Variants in EIF2B1 observed in about 807,000 individuals in gnomAD.
EIF2B1 encodes translation initiation factor eIF2B subunit alpha.
Under a neutral mutation model 36.8 loss-of-function variants are expected in EIF2B1, and 30 were observed. The observed-to-expected ratio is 0.81, with a 90% CI of 0.61 to 1.10. The LOEUF is 1.10. Among genes scored for constraint, EIF2B1 ranks in the 50% least tolerant of loss-of-function variants. The probability of loss-of-function intolerance (pLI) is 0.00; values close to 1 mark genes in which losing one functional copy is unlikely to be tolerated. For missense variants in EIF2B1, 271 were observed against 374.8 expected (o/e 0.72, Z 2.29); for synonymous variants, 139 against 142.2 (o/e 0.98, Z 0.16).
At position 123,627,063 on chromosome 12, in the gene EIF2B1, ACT is replaced by A. The variant is rs1435171602; in HGVS notation, c.461_462del (p.Glu154ValfsTer4). ...ACTTGCCCTGACAAATCAGGCTGTGACTCTGTGACGTATACACTAAATCGCTT... is the reference window on the plus strand; with the variant it reads ...ACTTGCCCTGACAAATCAGGCTGTGACTGTGACGTATACACTAAATCGCTT... ...AKKRFSVYVT[E>X]SQPDLSGKKM... is the part of the protein sequence containing the mutation. On this transcript the variant is annotated frameshift_variant, in exon 5 of 9. Transcript: ENST00000424014. LOFTEE classifies it high-confidence loss of function. The A allele has an allele frequency of 6.2e-7, 1 of 1,613,858 alleles. No individual in the cohort carries two copies. Among genetic ancestry groups the A allele is most frequent in the Non-Finnish European group, 8.5e-7 (1 of 1,180,006 alleles).
At position 123,621,980 on chromosome 12, in the gene EIF2B1, C is replaced by T; in HGVS notation, c.754-60G>A. 5.6e-6 allele frequency: 9 copies of T among 1,598,188 alleles called. No homozygotes were observed. In the South Asian group the frequency reaches 1.0e-4, roughly 18 times the overall value. ...TATTTAGTGCTCTGACCTGGTAGGG[C>T]CTTGGTGTGAGTGATCAGTGTGCTA... is the stretch of plus-strand genomic sequence containing the variant. On this transcript the variant is annotated intron_variant, in intron 8 of 8. Transcript: ENST00000424014.
In EIF2B1 at chr12:123,622,753, G is replaced by C. The variant is rs1955114161; in HGVS notation, c.636C>G (p.Thr212=). The C allele has an allele frequency of 6.2e-7, 1 of 1,613,882 alleles. No homozygotes were observed. Among genetic ancestry groups the C allele is most frequent in the Non-Finnish European group, 8.5e-7 (1 of 1,179,908 alleles). Residue 212 remains threonine, a synonymous_variant, in exon 8 of 9, where the codon ACC becomes ACG. Transcript: ENST00000424014. ...ENGGIINKIG[T]NQMAVCAKAQ... ...CTTTGGCACACACAGCCATCTGGTT[G>C]GTTCCAATCTGGGAAGGCAGAAAAT...
At chr12:123,627,363 G>A (rs1955156974) in intron 4 of EIF2B1, among the ~76,000 whole-genome samples, 1 of 152,220 alleles carries the variant, frequency 6.6e-6, no homozygotes, top group South Asian at 2.1e-4. Flanking sequence ...TCCTGTAGCA[G>A]GTGCAGAAAT....
In EIF2B1 at chr12:123,621,563, G is replaced by A. The variant is rs1269764468; in HGVS notation, c.*193C>T. ...TAAGAACAATTTAAGTTGGGATTTAGAATAGCTGACACATTTTTAGATGGG... is the reference window on the plus strand; with the variant it reads ...TAAGAACAATTTAAGTTGGGATTTAAAATAGCTGACACATTTTTAGATGGG... On this transcript the variant is annotated 3_prime_UTR_variant, in exon 9 of 9. Coordinates refer to ENST00000424014, the MANE Select transcript of EIF2B1 (RefSeq NM_001414.4). 1.5e-6 allele frequency: 1 copy of A among 671,752 alleles called. No individual in the cohort carries two copies. The highest frequency in any genetic ancestry group is 1.8e-5 in the African/African-American group (1 of 55,530). The allele number at this position is 671,752 out of a possible 1,614,324, so 41.6% of individuals were successfully genotyped here.
intron 1 of EIF2B1, among the ~76,000 whole-genome samples, chr12:123,633,259 A>G (rs1396600357): frequency 6.7e-6 from 1 of 149,286 alleles, no homozygotes; most frequent in Non-Finnish European, 1.5e-5. Flanking sequence ...CACATCAAAT[A>G]TGCCTTATTC....
rs1955067314 is a variant in EIF2B1 at position 123,620,612 on chromosome 12, A to ATATATG, written c.*1143_*1144insCATATA. On this transcript the variant is annotated 3_prime_UTR_variant, in exon 9 of 9. Transcript: ENST00000424014. The stretch of plus-strand genomic sequence containing the variant: ...TATATATATATATATATATATATAT[A>ATATATG]TATATATATATATATAAGCTCTTTT... 1.3e-5 allele frequency: 1 copy of ATATATG among 75,006 alleles called. No individual in the cohort carries two copies. The highest frequency in any genetic ancestry group is 3.2e-5 in the Non-Finnish European group (1 of 31,696). The allele number at this position is 75,006 out of a possible 1,614,324, so 4.6% of individuals were successfully genotyped here.
At position 123,621,785 on chromosome 12, in the gene EIF2B1, T is replaced by C; in HGVS notation, c.889A>G (p.Ser297Gly). Reference protein sequence around the residue: ...DLGVLTPSAVSDELIKLYL With the variant: ...DLGVLTPSAVGDELIKLYL ...AGATAGAGCTTGATGAGCTCATCGC[T>C]GACTGCTGAGGGTGTCAGCACGCCC... is the stretch of plus-strand genomic sequence containing the variant. Residue 297 changes from serine to glycine, a missense_variant, in exon 9 of 9, where the codon AGC becomes GGC. Physicochemically the swap from Ser to Gly is moderately conservative, Grantham distance 56. Transcript: ENST00000424014. 1 of 1,613,900 alleles carries C rather than the reference T, an allele frequency of 6.2e-7. No homozygotes were observed. Among genetic ancestry groups the C allele is most frequent in the Non-Finnish European group, 8.5e-7 (1 of 1,180,034 alleles).
In EIF2B1 at chr12:123,630,193, G is replaced by A. The variant is rs759728057; in HGVS notation, c.345C>T (p.Cys115=). The A allele has an allele frequency of 5.6e-6, 9 of 1,613,886 alleles. No individual in the cohort carries two copies. In the East Asian group the frequency reaches 1.8e-4, roughly 32 times the overall value. The change falls in exon 4 of 9, where the codon TGC becomes TGT. Residue 115 remains cysteine (C), a synonymous_variant. Coordinates refer to ENST00000424014, the MANE Select transcript of EIF2B1 (RefSeq NM_001414.4). The surrounding 1 kb of genome is among the most constrained non-coding windows in gnomAD (Gnocchi z 4.6). The part of the protein sequence containing the change: ...SLSRNKIADL[C]HTFIKDGATI... ...CCGCTCCATCTTTGATGAAAGTATGGCACAGATCTGCAATTTTGTTTCTTG... is the reference window on the plus strand; with the variant it reads ...CCGCTCCATCTTTGATGAAAGTATGACACAGATCTGCAATTTTGTTTCTTG...
At chr12:123,626,570 G>C in intron 5 of EIF2B1, 77 bp from the exon 6 acceptor site, 2 of 1,518,698 alleles carry the variant, frequency 1.3e-6, no homozygotes, top group Non-Finnish European at 9.1e-7. Context: ...AATGTGGACA[G>C]TGGATGTTTG....
rs1955176522 is a variant in EIF2B1 at position 123,630,078 on chromosome 12, A to T, written c.369+91T>A. The T allele has an allele frequency of 1.8e-6, 2 of 1,082,494 alleles. No individual in the cohort carries two copies. Among genetic ancestry groups the T allele is most frequent in the African/African-American group, 1.5e-5 (1 of 64,930 alleles). 67.1% of individuals were successfully genotyped at this position (1,082,494 alleles called of 1,614,324 possible). A position where few individuals can be genotyped will look rare whatever the true frequency, so the allele number is the denominator to read the frequency against. On this transcript the variant is annotated intron_variant, in intron 4 of 8. Coordinates refer to ENST00000424014, the MANE Select transcript of EIF2B1 (RefSeq NM_001414.4). The surrounding 1 kb of genome is among the most constrained non-coding windows in gnomAD (Gnocchi z 4.6). ...TTAAGTTACTTGTTCAAGTCTCCACAGCAAGTGAGTGGCAGAGCCCGGATT... is the reference window on the plus strand; with the variant it reads ...TTAAGTTACTTGTTCAAGTCTCCACTGCAAGTGAGTGGCAGAGCCCGGATT...
Position 123,633,623 on chromosome 12 carries a change from G to A in EIF2B1, c.-66C>T, listed in dbSNP as rs749563752. ...CCGCGCTGTCTCGAACGGGTCCGCC[G>A]GCCGCGCCGCCTGCGAGCCAGTCTG... On this transcript the variant is annotated 5_prime_UTR_variant, in exon 1 of 9. Coordinates refer to ENST00000424014, the MANE Select transcript of EIF2B1 (RefSeq NM_001414.4). The A allele has an allele frequency of 3.8e-6, 6 of 1,597,106 alleles. No individual in the cohort carries two copies. The highest frequency in any genetic ancestry group is 1.7e-5 in the Admixed American group (1 of 59,830).
At chr12:123,622,280 A>G (rs1955108283) in intron 8 of EIF2B1, among the ~76,000 whole-genome samples, 2 of 152,216 alleles carry the variant, frequency 1.3e-5, no homozygotes, top group Non-Finnish European at 2.9e-5. Flanking sequence ...AGATACTGCT[A>G]TGCCATTTTA....
rs749080535 is a variant in EIF2B1, at chr12:123,624,866, A to AG, written c.552-5dup. 6.2e-7 allele frequency: 1 copy of AG among 1,613,930 alleles called. No homozygotes were observed. Among genetic ancestry groups the AG allele is most frequent in the South Asian group, 1.1e-5 (1 of 91,076 alleles). On this transcript the variant is annotated splice_polypyrimidine_tract_variant and splice_region_variant and intron_variant, in intron 6 of 8. Transcript: ENST00000424014. Reference sequence around the variant, plus strand: ...ATCTGCTTTCTCCATGATGTAGCTAAGGGGAAAAAAAGCTTTTCATGCTTT... The same window carrying AG: ...ATCTGCTTTCTCCATGATGTAGCTAAGGGGGAAAAAAAGCTTTTCATGCTTT...
intron 1 of EIF2B1, among the ~76,000 whole-genome samples, chr12:123,632,697 A>T (rs1371891600): frequency 6.6e-6 from 1 of 152,164 alleles, no homozygotes; most frequent in Non-Finnish European, 1.5e-5. Flanking sequence ...CTGTAATCCC[A>T]GCACTTTGGG....
rs200480494 is a variant in EIF2B1, at chr12:123,633,542, T to C, written c.13+3A>G. 2.5e-6 allele frequency: 4 copies of C among 1,613,548 alleles called. No homozygotes were observed. The African/African-American group carries it at 5.3e-5, about 22-fold the overall frequency. ...CTAGCAGCCCTGGCCTGTCTTGATT[T>C]ACCCTTGTCGTCCATGGCGTCCTCC... On this transcript the variant is annotated splice_donor_region_variant and intron_variant, in intron 1 of 8. Transcript: ENST00000424014.
In EIF2B1 at chr12:123,621,922, TGAG is replaced by T; in HGVS notation, c.754-5_754-3del. 1 of 1,613,932 alleles carries T rather than the reference TGAG, an allele frequency of 6.2e-7. No individual in the cohort carries two copies. Among genetic ancestry groups the T allele is most frequent in the Non-Finnish European group, 8.5e-7 (1 of 1,180,010 alleles). On this transcript the variant is annotated splice_polypyrimidine_tract_variant and splice_region_variant and intron_variant, in intron 8 of 8. Coordinates refer to ENST00000424014, the MANE Select transcript of EIF2B1 (RefSeq NM_001414.4). Reference sequence around the variant, plus strand: ...GACCTTGAGAGTGTCTGCCTTATACTGAGGAGAGAAGTACACATTAGTCGGCAC... The same window carrying T: ...GACCTTGAGAGTGTCTGCCTTATACTGAGAGAAGTACACATTAGTCGGCAC...
In EIF2B1 at chr12:123,630,655, T is replaced by A; in HGVS notation, c.116-122A>T. The A allele has an allele frequency of 1.5e-6, 2 of 1,352,816 alleles. No individual in the cohort carries two copies. The highest frequency in any genetic ancestry group is 2.1e-6 in the Non-Finnish European group (2 of 970,856). 83.8% of individuals were successfully genotyped at this position (1,352,816 alleles called of 1,614,324 possible). On this transcript the variant is annotated intron_variant, in intron 2 of 8. Coordinates refer to ENST00000424014, the MANE Select transcript of EIF2B1 (RefSeq NM_001414.4). This position sits in a 1 kb window ranked among gnomAD's most constrained non-coding sequence, Gnocchi z 4.6. The stretch of plus-strand genomic sequence containing the variant: ...GTACATACTATATACCAGGCACTAT[T>A]CTAGATGCTAGGGATACATCAGTGA...
intron 7 of EIF2B1, among the ~76,000 whole-genome samples, chr12:123,623,917 C>G (rs958168608): frequency 5.3e-5 from 8 of 151,958 alleles, no homozygotes; most frequent in African/African-American, 1.9e-4. Context: ...GTGGCTCATG[C>G]CTGTAATCCT....
chr12:123,632,852 A>G (rs1373179022), intron 1 of EIF2B1, among the ~76,000 whole-genome samples: 1 of 148,952 alleles, frequency 6.7e-6, no homozygotes, highest in East Asian at 2.0e-4. Flanking sequence ...AGGCTGAGGC[A>G]GGAGAATGGC....
Sources: gnomAD v4.1 joint callset for allele counts (sites outside exome capture counted in the v4.1 genomes callset) on GRCh38, gnomAD v4.1.1 for gene constraint, Gnocchi (gnomAD v3.1) non-coding constraint, MANE v1.5 for transcripts, NCBI Gene and HGNC (gene_info 2026-07-23, HGNC 2026-07-21) for gene names.